NKAIN3: variants seen among roughly 807,000 people sequenced by gnomAD.
NKAIN3 encodes the protein sodium/potassium-transporting ATPase subunit beta-1-interacting protein 3.
Under a neutral mutation model 30.2 loss-of-function variants are expected in NKAIN3, and 25 were observed. The observed-to-expected ratio is 0.83, with a 90% CI of 0.60 to 1.16. NKAIN3 has a LOEUF of 1.16. Ranked by LOEUF, NKAIN3 falls within the 50% of genes most tolerant of loss-of-function variation. The pLI is 0.00. For synonymous variants in NKAIN3, 91 were observed against 89.6 expected (o/e 1.02, Z -0.09); for missense variants, 225 against 254.1 (o/e 0.89, Z 0.78).
chr8:62,780,571 C>CA (rs1294252383), intron 4 of NKAIN3, among the ~76,000 whole-genome samples: 2 of 151,694 alleles, frequency 1.3e-5, no homozygotes, highest in Non-Finnish European at 2.9e-5. Flanking sequence ...AACAGCATAT[C>CA]AAAAAAATAA....
chr8:62,583,286 C>T (rs1810362191), intron 2 of NKAIN3, among the ~76,000 whole-genome samples: 2 of 152,090 alleles, frequency 1.3e-5, no homozygotes, highest in Admixed American at 6.6e-5. Context: ...CTCCTCCCTC[C>T]TATGCGTAGA....
intron 4 of NKAIN3, chr8:62,863,228 GTTTA>G (rs1239631829): frequency 2.6e-6 from 4 of 1,566,840 alleles, no homozygotes; most frequent in Non-Finnish European, 3.5e-6. Flanking sequence ...TGCCTCTTCT[GTTTA>G]TTTTTCAGTT....
chr8:62,932,161 AC>A (rs1325074661), intron 5 of NKAIN3, among the ~76,000 whole-genome samples: 10 of 152,202 alleles, frequency 6.6e-5, no homozygotes, highest in African/African-American at 1.9e-4. Context: ...GTCCTAATAA[AC>A]AAAACAAGCA....
At chr8:62,529,437 G>A (rs1808418979) in intron 1 of NKAIN3, among the ~76,000 whole-genome samples, 1 of 152,022 alleles carries the variant, frequency 6.6e-6, no homozygotes, top group Non-Finnish European at 1.5e-5. Context: ...TCCTAACAAC[G>A]AACGTGATAG....
In NKAIN3 at chr8:62,481,130, C is replaced by G. The variant is rs544421918; in HGVS notation, c.55-98409C>G. Reference sequence around the variant, plus strand: ...TGTCACATGTAATTCTAAATCCTCCCCGATCTAGATAGTCAGATTCTTGAG... The same window carrying G: ...TGTCACATGTAATTCTAAATCCTCCGCGATCTAGATAGTCAGATTCTTGAG... On this transcript the variant is annotated intron_variant, in intron 1 of 6. Transcript: ENST00000623646. Among the ~76,000 whole-genome samples the G allele has an allele frequency of 2.0e-5, 3 of 152,218 alleles. No homozygotes were observed. The South Asian group carries it at 6.2e-4, about 32-fold the overall frequency.
chr8:62,427,076 G>T (rs566237869), intron 1 of NKAIN3, among the ~76,000 whole-genome samples: 1 of 152,124 alleles, frequency 6.6e-6, no homozygotes, highest in East Asian at 1.9e-4. Context: ...CCTGTCAGAG[G>T]GAGCTCAAGA....
chr8:62,637,958 A>G (rs1812185220), intron 3 of NKAIN3, among the ~76,000 whole-genome samples: 1 of 152,170 alleles, frequency 6.6e-6, no homozygotes, highest in Non-Finnish European at 1.5e-5. Context: ...TTCTTCATTC[A>G]TTCCTAAAGG....
intron 4 of NKAIN3, among the ~76,000 whole-genome samples, chr8:62,795,005 G>A (rs1817818420): frequency 6.6e-6 from 1 of 152,060 alleles, no homozygotes; most frequent in African/African-American, 2.4e-5. Flanking sequence ...ATATCATGGT[G>A]CCAGTGACCA....
intron 4 of NKAIN3, among the ~76,000 whole-genome samples, chr8:62,764,185 G>A (rs1185147754): frequency 1.3e-5 from 2 of 152,210 alleles, no homozygotes; most frequent in African/African-American, 4.8e-5. Flanking sequence ...GTCCAAGATG[G>A]TGATGTTCCT....
rs1328930315 is a variant in NKAIN3 at position 62,965,748 on chromosome 8, T to G, written c.*341T>G. On this transcript the variant is annotated 3_prime_UTR_variant, in exon 7 of 7. Coordinates refer to ENST00000623646, the MANE Select transcript of NKAIN3 (RefSeq NM_001304533.3). ...CAGTCAATTCTAAGAGAAATCTCAG[T>G]GTGTGCTGTGGAGATGTTAAGTCAG... 1.0e-6 allele frequency: 1 copy of G among 984,768 alleles called. No homozygotes were observed. The highest frequency in any genetic ancestry group is 1.2e-6 in the Non-Finnish European group (1 of 829,534). The allele number at this position is 984,768 out of a possible 1,614,324, so 61.0% of individuals were successfully genotyped here.
chr8:62,973,424 A>G lies in NKAIN3; in HGVS notation c.*8017A>G, dbSNP rs1474837608. Among the ~76,000 whole-genome samples the G allele has an allele frequency of 2.7e-5, 4 of 150,662 alleles. No homozygotes were observed. The highest frequency in any genetic ancestry group is 9.7e-5 in the African/African-American group (4 of 41,374). Reference sequence around the variant, plus strand: ...TGCATTTCTCTAATGACCAGTGATGATGAGATTTTTTTTTACGTTTGTTGG... The same window carrying G: ...TGCATTTCTCTAATGACCAGTGATGGTGAGATTTTTTTTTACGTTTGTTGG... On this transcript the variant is annotated 3_prime_UTR_variant, in exon 7 of 7. Transcript: ENST00000623646.
At chr8:62,409,719 A>G (rs1804180317) in intron 1 of NKAIN3, among the ~76,000 whole-genome samples, 1 of 152,020 alleles carries the variant, frequency 6.6e-6, no homozygotes, top group South Asian at 2.1e-4. Flanking sequence ...GTTAAGGCTA[A>G]GAAGAAAAAT....
chr8:62,506,859 A>G (rs1025620893), intron 1 of NKAIN3, among the ~76,000 whole-genome samples: 5 of 152,104 alleles, frequency 3.3e-5, no homozygotes, highest in Non-Finnish European at 7.4e-5. Flanking sequence ...TACAGAGAAC[A>G]TTGGAGATCC....
Position 62,404,686 on chromosome 8 carries a change from A to G in NKAIN3, c.54+155559A>G, listed in dbSNP as rs187765138. Among the ~76,000 whole-genome samples the G allele has an allele frequency of 5.2e-4, 79 of 152,186 alleles. 1 individual carries two copies. Among genetic ancestry groups the G allele is most frequent in the African/African-American group, 1.9e-3 (78 of 41,514 alleles). ...TCAATTAAACTTCTTTCCTTTATAT[A>G]TTACCCAATCTCAGGCATGTCCTTA... On this transcript the variant is annotated intron_variant, in intron 1 of 6. Coordinates refer to ENST00000623646, the MANE Select transcript of NKAIN3 (RefSeq NM_001304533.3).
At chr8:62,548,202 C>T (rs896461045) in intron 1 of NKAIN3, among the ~76,000 whole-genome samples, 3 of 152,128 alleles carry the variant, frequency 2.0e-5, no homozygotes, top group Admixed American at 2.0e-4. Context: ...CTGAAAATAC[C>T]TTCATTCCTC....
At chr8:62,347,308 C>T (rs1454165699) in intron 1 of NKAIN3, among the ~76,000 whole-genome samples, 6 of 152,124 alleles carry the variant, frequency 3.9e-5, no homozygotes, top group Non-Finnish European at 8.8e-5. Flanking sequence ...GGGAGCTCAT[C>T]ATGCTATCAA....
intron 1 of NKAIN3, among the ~76,000 whole-genome samples, chr8:62,299,709 C>T (rs1169008853): frequency 6.6e-6 from 1 of 151,850 alleles, no homozygotes; most frequent in Non-Finnish European, 1.5e-5. Flanking sequence ...TTTCTGCTTC[C>T]TATTTTTATG....
chr8:62,334,570 A>AACTCAATCACTAACTCAAT (rs1815471334), intron 1 of NKAIN3, among the ~76,000 whole-genome samples: 1 of 152,120 alleles, frequency 6.6e-6, no homozygotes, highest in South Asian at 2.1e-4. Context: ...ATGGCTTTGG[A>AACTCAATCACTAACTCAAT]AGTTAGTGAT....
Position 62,350,676 on chromosome 8 carries a change from T to C in NKAIN3, c.54+101549T>C, listed in dbSNP as rs145199484. Among the ~76,000 whole-genome samples, 250 of 152,164 alleles carry C rather than the reference T, an allele frequency of 1.6e-3. 1 individual carries two copies. Among genetic ancestry groups the C allele is most frequent in the African/African-American group, 5.8e-3 (240 of 41,530 alleles). On this transcript the variant is annotated intron_variant, in intron 1 of 6. Coordinates refer to ENST00000623646, the MANE Select transcript of NKAIN3 (RefSeq NM_001304533.3). Reference sequence around the variant, plus strand: ...TAAAATATATTGCCTTAGAGAGTAATGAGCTTTTTAATTTTTATTTATTTA... The same window carrying C: ...TAAAATATATTGCCTTAGAGAGTAACGAGCTTTTTAATTTTTATTTATTTA...
Sources: gnomAD v4.1 joint callset for allele counts (sites outside exome capture counted in the v4.1 genomes callset) on GRCh38, gnomAD v4.1.1 for gene constraint, MANE v1.5 for transcripts, NCBI Gene and HGNC (gene_info 2026-07-23, HGNC 2026-07-21) for gene names.